Variants in DCDC1 observed in about 807,000 individuals in gnomAD.
DCDC1 encodes doublecortin domain containing 1.
Under a neutral mutation model 178.3 loss-of-function variants are expected in DCDC1, and 200 were observed. The observed-to-expected ratio is 1.12, with a 90% CI of 1.00 to 1.26. The LOEUF (loss-of-function observed/expected upper bound fraction) is 1.26, where lower values mean the gene tolerates loss of function less well. Among genes scored for constraint, DCDC1 ranks in the 50% most tolerant of loss-of-function variants. DCDC1 has a pLI of 0.00. For missense variants in DCDC1, 1,983 were observed against 1,749.2 expected (o/e 1.13, Z -2.38); for synonymous variants, 690 against 604.8 (o/e 1.14, Z -2.07).
rs1367617258 is a variant in DCDC1, at chr11:30,880,934, G to A, written c.5233+224C>T. Among the ~76,000 whole-genome samples the A allele has an allele frequency of 2.6e-5, 4 of 152,130 alleles. No homozygotes were observed. The East Asian group carries it at 7.7e-4, about 29-fold the overall frequency. On this transcript the variant is annotated intron_variant, in intron 37 of 38. Coordinates refer to ENST00000684477, the MANE Select transcript of DCDC1 (RefSeq NM_001387274.1). ...TTCTGCAAATAAGCCCCCTGGATAA[G>A]GTTCAAGATTAACTGAAATGCGATT...
intron 9 of DCDC1, among the ~76,000 whole-genome samples, chr11:31,209,289 C>T (rs115498107): frequency 1.1e-4 from 16 of 152,180 alleles, no homozygotes; most frequent in Non-Finnish European, 1.8e-4. Flanking sequence ...ACGTTCCCTC[C>T]GAGGTAACAT....
rs957135660 is a variant in DCDC1, at chr11:31,339,295, A to T, written c.-124-3731T>A. Among the ~76,000 whole-genome samples the T allele has an allele frequency of 4.6e-5, 7 of 152,328 alleles. No individual in the cohort carries two copies. In the East Asian group the frequency reaches 1.4e-3, roughly 29 times the overall value. On this transcript the variant is annotated intron_variant, in intron 1 of 38. Transcript: ENST00000684477. ...GAGCCTTTAGGGAGGCAATTAAGTC[A>T]TAAGGGTGGACTCTTTTTACAACGC...
intron 13 of DCDC1, among the ~76,000 whole-genome samples, chr11:31,105,519 G>T (rs573836517): frequency 3.4e-4 from 51 of 150,920 alleles, no homozygotes; most frequent in Non-Finnish European, 5.8e-4. Context: ...GATTACTCAA[G>T]AATTCTTGCC....
intron 20 of DCDC1, among the ~76,000 whole-genome samples, chr11:30,960,301 T>G (rs1189679009): frequency 6.6e-6 from 1 of 152,154 alleles, no homozygotes; most frequent in Non-Finnish European, 1.5e-5. Flanking sequence ...CTTCAGCCCA[T>G]CAGGGTGTCT....
chr11:31,169,556 C>T (rs1198612496), intron 9 of DCDC1, among the ~76,000 whole-genome samples: 1 of 152,184 alleles, frequency 6.6e-6, no homozygotes, highest in East Asian at 1.9e-4. Context: ...GACAACGACT[C>T]ATACATGCTA....
chr11:31,258,248 C>G (rs1373238545), intron 8 of DCDC1, among the ~76,000 whole-genome samples: 1 of 152,116 alleles, frequency 6.6e-6, no homozygotes, highest in Non-Finnish European at 1.5e-5. Context: ...AGAAATACAT[C>G]CTGGGTAGGA....
chr11:30,956,338 A>G (rs1310507023), intron 20 of DCDC1, among the ~76,000 whole-genome samples: 1 of 152,166 alleles, frequency 6.6e-6, no homozygotes, highest in South Asian at 2.1e-4. Context: ...GCCCAGCCCA[A>G]AGTACTTTTT....
Position 31,313,778 on chromosome 11 carries a change from T to C in DCDC1, c.165-5870A>G, listed in dbSNP as rs556972430. ...ATGTGAATTCCTAAACCAGTTGTTCTAGAAAATGGTCTTTTGTCCAAAGAC... is the reference window on the plus strand; with the variant it reads ...ATGTGAATTCCTAAACCAGTTGTTCCAGAAAATGGTCTTTTGTCCAAAGAC... On this transcript the variant is annotated intron_variant, in intron 3 of 38. Transcript: ENST00000684477. 9.8e-5 allele frequency among the ~76,000 whole-genome samples: 15 copies of C among 152,290 alleles called. No individual in the cohort carries two copies. The South Asian group carries it at 3.1e-3, about 32-fold the overall frequency.
At chr11:31,355,007 G>C (rs1215842966) in intron 1 of DCDC1, among the ~76,000 whole-genome samples, 2 of 150,612 alleles carry the variant, frequency 1.3e-5, no homozygotes, top group Admixed American at 1.3e-4. Flanking sequence ...TGGGACAACA[G>C]TGCAACACCA....
chr11:31,295,164 G>C (rs1289885127), intron 6 of DCDC1, among the ~76,000 whole-genome samples: 1 of 152,134 alleles, frequency 6.6e-6, no homozygotes, highest in Non-Finnish European at 1.5e-5. Flanking sequence ...ATCATCTCTA[G>C]ATTATTTATA....
At chr11:31,307,947 T>C (rs1284363109) in intron 3 of DCDC1, 39 bp from the exon 4 acceptor site, 1 of 1,606,568 alleles carries the variant, frequency 6.2e-7, no homozygotes, top group Non-Finnish European at 8.5e-7. Flanking sequence ...AATTAATTGA[T>C]TTGTAATCAT....
chr11:31,231,212 C>T (rs1416125556), intron 9 of DCDC1, among the ~76,000 whole-genome samples: 1 of 152,168 alleles, frequency 6.6e-6, no homozygotes, highest in Non-Finnish European at 1.5e-5. Context: ...ATCCCCCTGC[C>T]TCTGCCTCCC....
At chr11:31,101,767 T>C (rs960928854) in intron 15 of DCDC1, among the ~76,000 whole-genome samples, 2 of 91,440 alleles carry the variant, frequency 2.2e-5, no homozygotes, top group African/African-American at 1.1e-4. Context: ...AACTGTAATA[T>C]AATTTATAGT....
intron 38 of DCDC1, among the ~76,000 whole-genome samples, chr11:30,868,394 G>A (rs1792072339): frequency 6.6e-6 from 1 of 151,890 alleles, no homozygotes. Context: ...GGGATTACAA[G>A]TGCCCACCAC....
chr11:31,075,232 T>C (rs2135545755), intron 18 of DCDC1, among the ~76,000 whole-genome samples: 1 of 152,352 alleles, frequency 6.6e-6, no homozygotes, highest in East Asian at 1.9e-4. Context: ...ATTTCATTCT[T>C]TTTAACAGCT....
At chr11:31,331,166 T>G (rs559170969) in intron 2 of DCDC1, among the ~76,000 whole-genome samples, 24 of 152,298 alleles carry the variant, frequency 1.6e-4, no homozygotes, top group African/African-American at 5.5e-4. Flanking sequence ...GAAGGGGAGT[T>G]CATTCATGAT....
chr11:31,347,858 A>G (rs1049872901), intron 1 of DCDC1, among the ~76,000 whole-genome samples: 16 of 152,186 alleles, frequency 1.1e-4, no homozygotes, highest in Admixed American at 9.8e-4. Flanking sequence ...TTTTATTTGC[A>G]TTTCTTGGGC....
At chr11:31,167,842 T>C (rs1271452805) in intron 9 of DCDC1, among the ~76,000 whole-genome samples, 1 of 152,182 alleles carries the variant, frequency 6.6e-6, no homozygotes, top group Non-Finnish European at 1.5e-5. Flanking sequence ...AGATTCTGAT[T>C]CAACTACTAT....
rs182216969 is a variant in DCDC1 at position 30,911,824 on chromosome 11, A to G, written c.3654-404T>C. ...AGGCCTCCTAGTGTACCACCATCCC[A>G]TTCCCTCTGAATGCTGCTGTGCCCA... On this transcript the variant is annotated intron_variant, in intron 27 of 38. Coordinates refer to ENST00000684477, the MANE Select transcript of DCDC1 (RefSeq NM_001387274.1). 5.3e-5 allele frequency among the ~76,000 whole-genome samples: 8 copies of G among 152,122 alleles called. No homozygotes were observed. The East Asian group carries it at 1.6e-3, about 29-fold the overall frequency.
Sources: gnomAD v4.1 joint callset for allele counts (sites outside exome capture counted in the v4.1 genomes callset) on GRCh38, gnomAD v4.1.1 for gene constraint, MANE v1.5 for transcripts, NCBI Gene and HGNC (gene_info 2026-07-23, HGNC 2026-07-21) for gene names.